Variants in SCN3A observed in about 807,000 individuals in gnomAD.
SCN3A encodes the protein sodium voltage-gated channel alpha subunit 3, also known as sodium channel protein type 3 subunit alpha.
In SCN3A, 60 loss-of-function variants were observed where a neutral mutation model predicts 187.6. The ratio of observed to expected loss-of-function variants is 0.32; its 90% CI spans 0.26 to 0.40. SCN3A has a LOEUF of 0.40. SCN3A is among the 10% of genes least tolerant of loss of function. SCN3A has a pLI of 1.00. For synonymous variants in SCN3A, 788 were observed against 829.2 expected (o/e 0.95, Z 0.85); for missense variants, 1,601 against 2,428.2 (o/e 0.66, Z 7.16).
At chr2:165,184,503 A>G (rs1303768768) in intron 2 of SCN3A, among the ~76,000 whole-genome samples, 4 of 142,562 alleles carry the variant, frequency 2.8e-5, no homozygotes, top group Admixed American at 6.9e-5. Context: ...AAAAAAAGAA[A>G]AAAAAAAAAA....
chr2:165,099,293 C>A (rs1243880617), intron 22 of SCN3A, among the ~76,000 whole-genome samples: 1 of 152,008 alleles, frequency 6.6e-6, no homozygotes, highest in Non-Finnish European at 1.5e-5. Flanking sequence ...TGGGTGGTAT[C>A]TATAATAAAG....
intron 9 of SCN3A, among the ~76,000 whole-genome samples, chr2:165,160,699 G>A (rs1169537457): frequency 6.6e-6 from 1 of 151,904 alleles, no homozygotes; most frequent in Non-Finnish European, 1.5e-5. Context: ...GGAGTGTAGT[G>A]GTGCCATCTC....
chr2:165,158,256 T>G (rs1689181147), intron 9 of SCN3A, among the ~76,000 whole-genome samples: 1 of 94,460 alleles, frequency 1.1e-5, no homozygotes, highest in Non-Finnish European at 1.9e-5. Flanking sequence ...CCTTTTACCT[T>G]TAGTCTTACA....
At chr2:165,161,836 A>T (rs4667791) in intron 9 of SCN3A, among the ~76,000 whole-genome samples, 34,420 of 152,070 alleles carry the variant, frequency 0.23, 5,091 homozygotes, top group East Asian at 0.52. Context: ...ATACAGAAAT[A>T]CATGCTCCTT....
At chr2:165,171,919 G>A (rs1690128074) in intron 3 of SCN3A, among the ~76,000 whole-genome samples, 1 of 151,866 alleles carries the variant, frequency 6.6e-6, no homozygotes, top group African/African-American at 2.4e-5. Context: ...AATTAAATGT[G>A]GGTTTACCTT....
chr2:165,188,509 G>T (rs567129813), intron 1 of SCN3A, among the ~76,000 whole-genome samples: 1 of 152,306 alleles, frequency 6.6e-6, no homozygotes, highest in South Asian at 2.1e-4. Context: ...CACCTGTGCA[G>T]CAGGGCGCGG....
intron 5 of SCN3A, among the ~76,000 whole-genome samples, chr2:165,167,909 C>T (rs1689874315): frequency 1.3e-5 from 2 of 152,104 alleles, no homozygotes; most frequent in Non-Finnish European, 2.9e-5. Flanking sequence ...GTGCTTAGAC[C>T]TTTCTCCATG....
At chr2:165,131,696 A>C (rs184859910) in intron 15 of SCN3A, among the ~76,000 whole-genome samples, 1,655 of 150,664 alleles carry the variant, frequency 0.011, 27 homozygotes, top group African/African-American at 0.032. Flanking sequence ...GGTGTGCTGC[A>C]CCCATTAACT....
At chr2:165,147,356 G>A (rs994344710) in intron 11 of SCN3A, among the ~76,000 whole-genome samples, 6 of 151,242 alleles carry the variant, frequency 4.0e-5, no homozygotes, top group African/African-American at 9.7e-5. Context: ...TGTTTTCTTC[G>A]TGGTGGTTGC....
chr2:165,181,024 C>T lies in SCN3A; in HGVS notation c.-50-4580G>A, dbSNP rs115529143. On this transcript the variant is annotated intron_variant, in intron 2 of 27. Transcript: ENST00000283254. ...ATAAGCACTTGTATGTTTATACAGA[C>T]AATAGATGGTTAATGAAAACAACTA... Among the ~76,000 whole-genome samples the T allele has an allele frequency of 4.1e-3, 623 of 151,862 alleles. 3 individuals carry two copies. The highest frequency in any genetic ancestry group is 0.014 in the African/African-American group (598 of 41,422).
chr2:165,160,824 A>G (rs1462971292), intron 9 of SCN3A, among the ~76,000 whole-genome samples: 1 of 152,102 alleles, frequency 6.6e-6, no homozygotes. Context: ...ATTTTGTAGT[A>G]GAGACAAGGT....
chr2:165,168,873 T>G, intron 4 of SCN3A, 48 bp from the exon 5 acceptor site: 1 of 1,285,204 alleles, frequency 7.8e-7, no homozygotes, highest in Non-Finnish European at 1.1e-6. Context: ...CATGGCCATT[T>G]ATAAATGATC....
At chr2:165,178,319 C>T (rs1216196392) in intron 2 of SCN3A, among the ~76,000 whole-genome samples, 3 of 152,006 alleles carry the variant, frequency 2.0e-5, no homozygotes, top group African/African-American at 7.2e-5. Flanking sequence ...CTTGAACTCC[C>T]GGGCTCAGGT....
rs1684958792 is a variant in SCN3A at position 165,089,002 on chromosome 2, C to CT, written c.*1147dup. 6.6e-6 allele frequency: 1 copy of CT among 152,554 alleles called. No individual in the cohort carries two copies. Among genetic ancestry groups the CT allele is most frequent in the African/African-American group, 2.4e-5 (1 of 41,442 alleles). 9.5% of individuals were successfully genotyped at this position (152,554 alleles called of 1,614,324 possible). A position where few individuals can be genotyped will look rare whatever the true frequency, so the allele number is the denominator to read the frequency against. Reference sequence around the variant, plus strand: ...CATTCTATCACCAATATGTGACATTCTTTAACCAAGACTTGTGAAGAATGG... The same window carrying CT: ...CATTCTATCACCAATATGTGACATTCTTTTAACCAAGACTTGTGAAGAATGG... On this transcript the variant is annotated 3_prime_UTR_variant, in exon 28 of 28. Transcript: ENST00000283254.
chr2:165,135,709 C>A (rs998982980), intron 15 of SCN3A, among the ~76,000 whole-genome samples: 1 of 151,970 alleles, frequency 6.6e-6, no homozygotes, highest in African/African-American at 2.4e-5. Context: ...GGTAGATATT[C>A]TATGAACAAA....
chr2:165,168,679 A>T (rs1689927802), intron 5 of SCN3A, 57 bp downstream of exon 5: 1 of 1,150,272 alleles, frequency 8.7e-7, no homozygotes, highest in African/African-American at 1.5e-5. Flanking sequence ...ACCCACAAGG[A>T]GATTGCTAGA....
At chr2:165,163,736 C>T (rs781219460) in intron 6 of SCN3A, 27 bp from the exon 7 acceptor site, 1 of 1,613,886 alleles carries the variant, frequency 6.2e-7, no homozygotes, top group South Asian at 1.1e-5. Flanking sequence ...CACACACAAA[C>T]ACAATAACAC....
intron 24 of SCN3A, among the ~76,000 whole-genome samples, chr2:165,095,855 C>T (rs893091935): frequency 2.0e-5 from 3 of 151,850 alleles, no homozygotes; most frequent in African/African-American, 4.8e-5. Flanking sequence ...TTCTCTTTTC[C>T]CATTGTGCCT....
At chr2:165,100,848 CG>C (rs1198679933) in intron 21 of SCN3A, among the ~76,000 whole-genome samples, 1 of 152,144 alleles carries the variant, frequency 6.6e-6, no homozygotes, top group East Asian at 1.9e-4. Context: ...CATGTAATAG[CG>C]TTCACTGATT....
Sources: gnomAD v4.1 joint callset for allele counts (sites outside exome capture counted in the v4.1 genomes callset) on GRCh38, gnomAD v4.1.1 for gene constraint, MANE v1.5 for transcripts, NCBI Gene and HGNC (gene_info 2026-07-23, HGNC 2026-07-21) for gene names.